ING3: variants seen among roughly 807,000 people sequenced by gnomAD.
ING3 encodes the protein inhibitor of growth protein 3.
ING3 carries 6 observed loss-of-function variants against 64.8 expected under a neutral mutation model. That is an observed-to-expected ratio of 0.09 (90% confidence interval 0.05 to 0.18). The LOEUF is 0.18. Among genes scored for constraint, ING3 ranks in the 10% least tolerant of loss-of-function variants. The pLI is 1.00. For synonymous variants in ING3, 170 were observed against 173.7 expected, an observed-to-expected ratio of 0.98 and a Z score of 0.17; for missense variants, 310 against 489.7, an observed-to-expected ratio of 0.63 and a Z score of 3.46.
intron 7 of ING3, 114 bp downstream of exon 7, chr7:120,967,762 A>T (rs1796014959): frequency 7.7e-7 from 1 of 1,298,436 alleles, no homozygotes; most frequent in Non-Finnish European, 1.1e-6. Context: ...TAAAGTATAC[A>T]TATGGAGAAA....
intron 10 of ING3, among the ~76,000 whole-genome samples, chr7:120,971,816 C>CTG (rs1796073402): frequency 6.6e-6 from 1 of 151,916 alleles, no homozygotes; most frequent in Admixed American, 6.6e-5. Context: ...TAAAATTAGG[C>CTG]TGTAAATATT....
At chr7:120,964,716 G>A (rs1172358499) in intron 4 of ING3, 26 bp from the exon 5 acceptor site, 2 of 1,601,044 alleles carry the variant, frequency 1.2e-6, no homozygotes, top group East Asian at 2.2e-5. Context: ...AATTTTGGTG[G>A]TTATCTTTGA....
intron 5 of ING3, 81 bp from the exon 6 acceptor site, chr7:120,966,545 T>TA: frequency 9.8e-7 from 1 of 1,024,530 alleles, no homozygotes; most frequent in Non-Finnish European, 1.6e-6. Context: ...GTAAGGGAAC[T>TA]CATTGCCTGT....
chr7:120,966,248 A>G (rs541269148), intron 5 of ING3, among the ~76,000 whole-genome samples: 27 of 152,276 alleles, frequency 1.8e-4, no homozygotes, highest in African/African-American at 6.3e-4. Context: ...GAACTTCAGA[A>G]TCTCCCATTA....
At position 120,951,332 on chromosome 7, in the gene ING3, C is replaced by G. The variant is rs571215475; in HGVS notation, c.100+97C>G. 15 of 1,146,196 alleles carry G rather than the reference C, an allele frequency of 1.3e-5. No homozygotes were observed. In the East Asian group the frequency reaches 3.5e-4, roughly 27 times the overall value. 71.0% of individuals were successfully genotyped at this position (1,146,196 alleles called of 1,614,324 possible). On this transcript the variant is annotated intron_variant, in intron 2 of 11. Coordinates refer to ENST00000315870, the MANE Select transcript of ING3 (RefSeq NM_019071.3). ...GCGCCTAGTGCTCTTTCACTGTCCT[C>G]TGGCTCACTCCGCTAGTGCATAAGG...
chr7:120,967,368 C>T (rs890073012), intron 6 of ING3, 161 bp from the exon 7 acceptor site: 7 of 463,658 alleles, frequency 1.5e-5, no homozygotes, highest in Non-Finnish European at 1.8e-5. Context: ...AAACATGTGA[C>T]ACAGAGTTCT....
chr7:120,974,583 AAAT>A (rs2116695421), intron 11 of ING3, 142 bp from the exon 12 acceptor site: 2 of 477,050 alleles, frequency 4.2e-6, no homozygotes, highest in Admixed American at 7.1e-5. Context: ...AATGATGTCT[AAAT>A]AATCTAGATC....
At chr7:120,967,869 TAA>T (rs955848077) in intron 7 of ING3, 63 bp from the exon 8 acceptor site, 3 of 1,501,076 alleles carry the variant, frequency 2.0e-6, no homozygotes, top group Non-Finnish European at 2.8e-6. Context: ...GGAAATAATG[TAA>T]TTTAGACTCA....
intron 9 of ING3, 54 bp from the exon 10 acceptor site, chr7:120,970,634 T>C (rs1796058321): frequency 6.4e-7 from 1 of 1,559,840 alleles, no homozygotes; most frequent in East Asian, 2.3e-5. Flanking sequence ...TTAGGAGTTA[T>C]TCTCAGTTAA....
chr7:120,955,717 A>G (rs1211346439), intron 4 of ING3, 93 bp downstream of exon 4: 2 of 816,374 alleles, frequency 2.4e-6, no homozygotes, highest in African/African-American at 1.7e-5. Context: ...AGGAAGAAGC[A>G]ACTAAAACTG....
chr7:120,956,603 G>C (rs966206043), intron 4 of ING3: 1 of 988,028 alleles, frequency 1.0e-6, no homozygotes, highest in Admixed American at 6.1e-5. Flanking sequence ...TTTGTTCATA[G>C]AGTTATTCTG....
intron 4 of ING3, among the ~76,000 whole-genome samples, chr7:120,958,043 C>T (rs1260729699): frequency 1.3e-5 from 2 of 152,140 alleles, no homozygotes; most frequent in Admixed American, 1.3e-4. Context: ...CTGGAATTTT[C>T]TATTTTCCTG....
At chr7:120,972,807 G>A (rs1347368608) in intron 10 of ING3, among the ~76,000 whole-genome samples, 1 of 152,128 alleles carries the variant, frequency 6.6e-6, no homozygotes, top group Non-Finnish European at 1.5e-5. Context: ...GATAAGTTTA[G>A]AAGTTTCAAG....
intron 1 of ING3, 60 bp downstream of exon 1, chr7:120,950,984 G>A: frequency 6.3e-7 from 1 of 1,591,902 alleles, no homozygotes. Context: ...AAGAGCGCGA[G>A]TGGACGGGCA....
chr7:120,952,519 C>T (rs1174231772), intron 2 of ING3, among the ~76,000 whole-genome samples: 1 of 152,056 alleles, frequency 6.6e-6, no homozygotes, highest in Non-Finnish European at 1.5e-5. Context: ...TTTAAACGTG[C>T]ATTTCTTTAC....
intron 4 of ING3, among the ~76,000 whole-genome samples, chr7:120,960,792 T>C (rs572088812): frequency 6.6e-6 from 1 of 152,234 alleles, no homozygotes; most frequent in African/African-American, 2.4e-5. Flanking sequence ...CCTGTTAAAA[T>C]AGTTTTGTTC....
intron 6 of ING3, among the ~76,000 whole-genome samples, 200 bp downstream of exon 6, chr7:120,966,897 A>C (rs543177068): frequency 2.8e-4 from 43 of 152,270 alleles, no homozygotes; most frequent in Non-Finnish European, 4.4e-4. Flanking sequence ...GTTTTCTCTT[A>C]AATGCGTAGA....
intron 5 of ING3, 44 bp downstream of exon 5, chr7:120,964,882 G>A (rs370058551): frequency 2.0e-6 from 3 of 1,480,674 alleles, no homozygotes; most frequent in African/African-American, 1.4e-5. Context: ...GACAGTACAT[G>A]TGCAAATCGC....
intron 3 of ING3, among the ~76,000 whole-genome samples, 160 bp downstream of exon 3, chr7:120,953,564 AT>A (rs2116648970): frequency 6.6e-6 from 1 of 152,300 alleles, no homozygotes; most frequent in Non-Finnish European, 1.5e-5. Context: ...TCAGATAGGG[AT>A]TTTTAGTCAT....
Sources: allele counts gnomAD v4.1 joint callset (sites outside exome capture counted in the v4.1 genomes callset), GRCh38; gene constraint gnomAD v4.1.1; transcripts MANE v1.5; gene names NCBI Gene and HGNC (gene_info 2026-07-23, HGNC 2026-07-21).